Variants in BNC2 observed in about 807,000 individuals in gnomAD.
BNC2 encodes the protein basonuclin zinc finger protein 2, also known as zinc finger protein basonuclin-2.
In BNC2, 20 loss-of-function variants were observed where a neutral mutation model predicts 76.3. The observed-to-expected ratio is 0.26, with a 90% confidence interval of 0.18 to 0.38. The LOEUF is 0.38. Ranked by LOEUF, BNC2 falls within the 10% of genes least tolerant of loss-of-function variation. The pLI is 1.00. For missense variants in BNC2, 1,382 were observed against 1,399.8 expected (o/e 0.99, Z 0.20); for synonymous variants, 582 against 514.8 (o/e 1.13, Z -1.77).
chr9:16,435,788 G>C lies in BNC2; in HGVS notation c.2406C>G (p.Ala802=). ...ACGATGTAAAGCTCTCATGCAAGGC[G>C]GCCATGCTGGCACCCCCACCATTGT... ...GLYNGGGASM[A]ALHESFTSSL... The change falls in exon 6 of 7, where the codon GCC becomes GCG. Residue 802 remains alanine (A), a synonymous_variant. Transcript: ENST00000380672. 2 of 1,613,996 alleles carry C rather than the reference G, an allele frequency of 1.2e-6. No individual in the cohort carries two copies. Among genetic ancestry groups the C allele is most frequent in the Non-Finnish European group, 1.7e-6 (2 of 1,179,996 alleles).
intron 1 of BNC2, among the ~76,000 whole-genome samples, chr9:16,799,972 C>A (rs923502065): frequency 6.6e-6 from 1 of 151,912 alleles, no homozygotes; most frequent in Non-Finnish European, 1.5e-5. Flanking sequence ...TGCCTGTAAT[C>A]CCAGCACTTT....
intron 1 of BNC2, among the ~76,000 whole-genome samples, chr9:16,855,046 G>A (rs930003909): frequency 6.6e-6 from 1 of 151,796 alleles, no homozygotes; most frequent in South Asian, 2.1e-4. Flanking sequence ...AAATTTGCCT[G>A]CCAAGGAGAA....
intron 5 of BNC2, among the ~76,000 whole-genome samples, chr9:16,519,714 A>G (rs1329843516): frequency 6.6e-6 from 1 of 152,226 alleles, no homozygotes; most frequent in Non-Finnish European, 1.5e-5. Flanking sequence ...AGTTTTTTCT[A>G]CAACCCTGTA....
chr9:16,474,505 T>A lies in BNC2; in HGVS notation c.670-36981A>T, dbSNP rs903659648. On this transcript the variant is annotated intron_variant, in intron 5 of 6. Coordinates refer to ENST00000380672, the MANE Select transcript of BNC2 (RefSeq NM_017637.6). ...AGAGGAGGTGACAAAGAGGAGAGCA[T>A]GGGAGATGAACCCTCAATATTGCAC... is the stretch of plus-strand genomic sequence containing the variant. 2.0e-5 allele frequency among the ~76,000 whole-genome samples: 3 copies of A among 152,260 alleles called. No individual in the cohort carries two copies. The East Asian group carries it at 5.8e-4, about 29-fold the overall frequency.
intron 1 of BNC2, among the ~76,000 whole-genome samples, chr9:16,817,183 T>C (rs1387222707): frequency 6.6e-6 from 1 of 152,190 alleles, no homozygotes; most frequent in East Asian, 1.9e-4. Context: ...CTTACTCAGG[T>C]AGCCATTTGC....
intron 3 of BNC2, among the ~76,000 whole-genome samples, chr9:16,584,633 T>G (rs987045769): frequency 3.3e-5 from 5 of 152,178 alleles, no homozygotes; most frequent in African/African-American, 1.2e-4. Flanking sequence ...GTAGCTAGGT[T>G]GTAAACTTTG....
At chr9:16,703,102 T>C (rs3861709) in intron 3 of BNC2, among the ~76,000 whole-genome samples, 84,776 of 152,064 alleles carry the variant, frequency 0.56, 29,737 homozygotes, top group Non-Finnish European at 0.79. Context: ...GTAATTCCAC[T>C]CTTCCCCTCT....
intron 1 of BNC2, among the ~76,000 whole-genome samples, chr9:16,846,549 G>A (rs930627581): frequency 6.6e-6 from 1 of 152,102 alleles, no homozygotes; most frequent in Admixed American, 6.5e-5. Context: ...CTTTAATTTC[G>A]ACAAGGCTGC....
chr9:16,708,772 CAG>C (rs1823752321), intron 3 of BNC2, among the ~76,000 whole-genome samples: 1 of 151,864 alleles, frequency 6.6e-6, no homozygotes, highest in African/African-American at 2.4e-5. Flanking sequence ...GGATTGCTGG[CAG>C]AGAGGAGGAG....
chr9:16,471,316 T>G (rs1386696654), intron 5 of BNC2, among the ~76,000 whole-genome samples: 2 of 148,654 alleles, frequency 1.3e-5, no homozygotes, highest in African/African-American at 5.0e-5. Flanking sequence ...TTTTTTAAGA[T>G]AGAGTCTCAC....
chr9:16,788,283 G>A (rs537096990), intron 1 of BNC2, among the ~76,000 whole-genome samples: 4 of 152,180 alleles, frequency 2.6e-5, no homozygotes, highest in African/African-American at 9.6e-5. Context: ...GCCAGGCGCG[G>A]TGGCTCACGC....
At chr9:16,857,221 TAA>T (rs1819280858) in intron 1 of BNC2, among the ~76,000 whole-genome samples, 1 of 152,132 alleles carries the variant, frequency 6.6e-6, no homozygotes, top group Non-Finnish European at 1.5e-5. Flanking sequence ...CTCACGCATG[TAA>T]TCCCAGCACT....
chr9:16,671,083 A>G (rs1822463583), intron 3 of BNC2, among the ~76,000 whole-genome samples: 2 of 152,072 alleles, frequency 1.3e-5, no homozygotes, highest in Admixed American at 6.6e-5. Context: ...TTTCCTCAGA[A>G]GGCCTCAGAG....
rs1018588962 is a variant in BNC2, at chr9:16,410,303, A to T, written c.*8686T>A. On this transcript the variant is annotated 3_prime_UTR_variant, in exon 7 of 7. Coordinates refer to ENST00000380672, the MANE Select transcript of BNC2 (RefSeq NM_017637.6). ...GAGAGGGGAAATGGGCATTTGCCTC[A>T]CTTGGAAACCACCCACTGGTGTGTC... is the stretch of plus-strand genomic sequence containing the variant. The T allele has an allele frequency of 2.2e-4, 34 of 152,308 alleles. No individual in the cohort carries two copies. The highest frequency in any genetic ancestry group is 1.5e-5 in the Non-Finnish European group (1 of 68,074). 9.4% of individuals were successfully genotyped at this position (152,308 alleles called of 1,614,324 possible). A position where few individuals can be genotyped will look rare whatever the true frequency, so the allele number is the denominator to read the frequency against.
intron 6 of BNC2, among the ~76,000 whole-genome samples, chr9:16,431,183 A>G (rs942424996): frequency 6.6e-6 from 1 of 152,238 alleles, no homozygotes; most frequent in Non-Finnish European, 1.5e-5. Flanking sequence ...AGAACTGCCA[A>G]TCATTAAGAC....
At chr9:16,839,030 A>G (rs562039305) in intron 1 of BNC2, among the ~76,000 whole-genome samples, 1 of 152,366 alleles carries the variant, frequency 6.6e-6, no homozygotes, top group Non-Finnish European at 1.5e-5. Flanking sequence ...AGGTGAGCTA[A>G]CAGAAGTTAG....
At chr9:16,560,993 T>A (rs1818995294) in intron 4 of BNC2, among the ~76,000 whole-genome samples, 1 of 148,790 alleles carries the variant, frequency 6.7e-6, no homozygotes, top group South Asian at 2.2e-4. Context: ...ATCCCAGCAC[T>A]TTGGGAGGCC....
chr9:16,836,818 A>T (rs369430536), intron 1 of BNC2, among the ~76,000 whole-genome samples: 1 of 152,176 alleles, frequency 6.6e-6, no homozygotes, highest in African/African-American at 2.4e-5. Context: ...AGAAAGAAAA[A>T]TATATAGGCA....
intron 6 of BNC2, chr9:16,429,325 G>A (rs914153430): frequency 6.6e-6 from 1 of 152,218 alleles, no homozygotes; most frequent in African/African-American, 2.4e-5. Context: ...GAATGTTAAC[G>A]TACATGTACA....
Sources: gnomAD v4.1 joint callset for allele counts (sites outside exome capture counted in the v4.1 genomes callset) on GRCh38, gnomAD v4.1.1 for gene constraint, MANE v1.5 for transcripts, NCBI Gene and HGNC (gene_info 2026-07-23, HGNC 2026-07-21) for gene names.